Variants in RFTN2 observed in about 807,000 individuals in gnomAD.
RFTN2 encodes the protein raftlin family member 2.
Under a neutral mutation model 52.7 loss-of-function variants are expected in RFTN2, and 34 were observed. That is an observed-to-expected ratio of 0.64 (90% confidence interval 0.49 to 0.86). RFTN2 has a LOEUF of 0.86. Among genes scored for constraint, RFTN2 ranks in the 40% least tolerant of loss-of-function variants. The pLI is 0.00. For missense variants in RFTN2, 536 were observed against 600.1 expected, an observed-to-expected ratio of 0.89 and a Z score of 1.12; for synonymous variants, 203 against 217.7, an observed-to-expected ratio of 0.93 and a Z score of 0.59.
chr2:197,603,974 G>T (rs920755134), intron 7 of RFTN2, among the ~76,000 whole-genome samples: 1 of 151,854 alleles, frequency 6.6e-6, no homozygotes, highest in Non-Finnish European at 1.5e-5. Context: ...TTAAATGTGG[G>T]CAAAAAGACA....
intron 1 of RFTN2, among the ~76,000 whole-genome samples, chr2:197,647,122 T>G (rs1410561311): frequency 6.6e-6 from 1 of 152,198 alleles, no homozygotes; most frequent in African/African-American, 2.4e-5. Flanking sequence ...AGTGACTATA[T>G]TTCCATTAAT....
chr2:197,654,168 A>C (rs775878902), intron 1 of RFTN2, among the ~76,000 whole-genome samples: 1 of 152,026 alleles, frequency 6.6e-6, no homozygotes, highest in Non-Finnish European at 1.5e-5. Flanking sequence ...TGGGCGGATC[A>C]CTTGAGGCCA....
chr2:197,607,966 C>T (rs1171062360), intron 7 of RFTN2, among the ~76,000 whole-genome samples: 1 of 152,174 alleles, frequency 6.6e-6, no homozygotes, highest in African/African-American at 2.4e-5. Flanking sequence ...AAATACTGCT[C>T]ACAGCAAGAT....
At chr2:197,585,395 T>G (rs1261374171) in intron 8 of RFTN2, among the ~76,000 whole-genome samples, 2 of 152,144 alleles carry the variant, frequency 1.3e-5, no homozygotes, top group Admixed American at 1.3e-4. Context: ...CTTCAAACCA[T>G]CATAACTGAT....
At chr2:197,578,358 A>G (rs1445222008) in intron 8 of RFTN2, among the ~76,000 whole-genome samples, 3 of 143,764 alleles carry the variant, frequency 2.1e-5, no homozygotes, top group African/African-American at 7.6e-5. Context: ...ACCTCTAAAA[A>G]GACTTCTGTA....
rs914077057 is a variant in RFTN2 at position 197,570,894 on chromosome 2, A to G, written c.*1114T>C. 3.9e-5 allele frequency: 6 copies of G among 152,292 alleles called. No individual in the cohort carries two copies. Among genetic ancestry groups the G allele is most frequent in the Non-Finnish European group, 5.9e-5 (4 of 68,042 alleles). The allele number at this position is 152,292 out of a possible 1,614,324, so 9.4% of individuals were successfully genotyped here. A position where few individuals can be genotyped will look rare whatever the true frequency, so the allele number is the denominator to read the frequency against. ...ATAGGCTGAATTCATCAATGATAGA[A>G]TAAGTTGTAATTCACTTGGAGGTTC... is the stretch of plus-strand genomic sequence containing the variant. On this transcript the variant is annotated 3_prime_UTR_variant, in exon 9 of 9. Coordinates refer to ENST00000295049, the MANE Select transcript of RFTN2 (RefSeq NM_144629.3).
intron 3 of RFTN2, among the ~76,000 whole-genome samples, chr2:197,639,002 T>C (rs2088615372): frequency 6.9e-6 from 1 of 145,840 alleles, no homozygotes; most frequent in African/African-American, 2.5e-5. Context: ...CTTATGAAGC[T>C]TAGTTTGGCT....
chr2:197,646,765 C>A (rs1299734523), intron 1 of RFTN2, 99 bp from the exon 2 acceptor site: 14 of 989,832 alleles, frequency 1.4e-5, no homozygotes, highest in Middle Eastern at 3.2e-4. Flanking sequence ...AGGAAAAGAT[C>A]TTGGCCGGGT....
chr2:197,580,998 T>G (rs561808439), intron 8 of RFTN2, among the ~76,000 whole-genome samples: 17 of 152,166 alleles, frequency 1.1e-4, no homozygotes, highest in Admixed American at 9.2e-4. Context: ...TCCCCCCAAC[T>G]TAACCCACAA....
chr2:197,572,083 A>G lies in RFTN2; in HGVS notation c.1431T>C (p.Ser477=). 1.2e-6 allele frequency: 2 copies of G among 1,614,190 alleles called. No homozygotes were observed. Among genetic ancestry groups the G allele is most frequent in the Non-Finnish European group, 1.7e-6 (2 of 1,180,036 alleles). The change falls in exon 9 of 9, where the codon AGT becomes AGC. Residue 477 remains serine, a synonymous_variant. Coordinates refer to ENST00000295049, the MANE Select transcript of RFTN2 (RefSeq NM_144629.3). The stretch of plus-strand genomic sequence containing the variant: ...CGTCTAATTCCCGGAGGACGTTGTC[A>G]CTGCTGCTGAACCCAGAGAAGCTGT... The part of the protein sequence containing the change: ...QHNSFSGFSS[S]DNVLRELDDG...
intron 1 of RFTN2, among the ~76,000 whole-genome samples, chr2:197,660,715 C>T (rs1000060977): frequency 2.0e-5 from 3 of 151,922 alleles, no homozygotes; most frequent in East Asian, 1.9e-4. Flanking sequence ...GCCACCACCA[C>T]GCCTGGCTAA....
chr2:197,618,847 C>G (rs1180684856), intron 5 of RFTN2, among the ~76,000 whole-genome samples: 1 of 150,582 alleles, frequency 6.6e-6, no homozygotes, highest in Non-Finnish European at 1.5e-5. Flanking sequence ...CCCCTCCGCC[C>G]GGCAGCCGCC....
intron 7 of RFTN2, among the ~76,000 whole-genome samples, chr2:197,608,866 AG>A (rs940803007): frequency 6.6e-6 from 1 of 151,442 alleles, no homozygotes; most frequent in African/African-American, 2.4e-5. Flanking sequence ...CCCACTTATT[AG>A]TGAGAACATG....
intron 7 of RFTN2, among the ~76,000 whole-genome samples, chr2:197,601,124 G>A (rs1010660373): frequency 6.6e-6 from 1 of 152,222 alleles, no homozygotes; most frequent in African/African-American, 2.4e-5. Context: ...CATTGTCAAT[G>A]AGATAGTAGA....
At chr2:197,601,895 G>C (rs1001982205) in intron 7 of RFTN2, among the ~76,000 whole-genome samples, 1 of 152,224 alleles carries the variant, frequency 6.6e-6, no homozygotes, top group Admixed American at 6.5e-5. Flanking sequence ...TTCATGATCC[G>C]TGGTATTAAA....
intron 1 of RFTN2, among the ~76,000 whole-genome samples, chr2:197,674,114 A>G (rs1189649254): frequency 1.3e-5 from 2 of 152,168 alleles, no homozygotes; most frequent in African/African-American, 4.8e-5. Flanking sequence ...TCCATTTTTA[A>G]CATTCATAAT....
At chr2:197,597,727 AG>A (rs1312306896) in intron 7 of RFTN2, among the ~76,000 whole-genome samples, 1 of 152,136 alleles carries the variant, frequency 6.6e-6, no homozygotes, top group African/African-American at 2.4e-5. Flanking sequence ...CATGTTGGTC[AG>A]GCTGGTCTCA....
chr2:197,613,596 G>A (rs1455653), intron 7 of RFTN2, among the ~76,000 whole-genome samples: 103,057 of 152,070 alleles, frequency 0.68, 35,222 homozygotes, highest in Middle Eastern at 0.85. Flanking sequence ...GATTACTATC[G>A]TTGTGTGTAC....
rs148997802 is a variant in RFTN2, at chr2:197,615,951, G to A, written c.1079C>T (p.Pro360Leu). ...GAATTCAGCCAGAGTGTGCAGCAGA[G>A]GGCCATAATCTGTTTTGATTTCACA... ...EGCEIKTDYG[P>L]LLHTLAEFGW... The change falls in exon 7 of 9, where the codon CCT (proline) becomes CTT (leucine). Residue 360 changes from proline (P) to leucine (L), a missense_variant. Pro to Leu is a moderately conservative substitution (Grantham distance 98). Transcript: ENST00000295049. The A allele has an allele frequency of 7.0e-4, 1,092 of 1,557,436 alleles. 1 individual carries two copies. Among genetic ancestry groups the A allele is most frequent in the Middle Eastern group, 2.3e-3 (14 of 6,000 alleles).
Sources: gnomAD v4.1 joint callset for allele counts (sites outside exome capture counted in the v4.1 genomes callset) on GRCh38, gnomAD v4.1.1 for gene constraint, MANE v1.5 for transcripts, NCBI Gene and HGNC (gene_info 2026-07-23, HGNC 2026-07-21) for gene names.